HTT: variants seen among roughly 807,000 people sequenced by gnomAD.
HTT encodes huntington disease protein.
In HTT, 104 loss-of-function variants were observed where a neutral mutation model predicts 362.3. The observed-to-expected ratio is 0.29, with a 90% CI of 0.24 to 0.34. The LOEUF (loss-of-function observed/expected upper bound fraction) is 0.34. HTT is among the 10% of genes least tolerant of loss of function. The pLI, the probability that HTT is intolerant of heterozygous loss-of-function variation, is 1.00. For missense variants in HTT, 3,301 were observed against 3,928.6 expected, an observed-to-expected ratio of 0.84 and a Z score of 4.27; for synonymous variants, 1,577 against 1,548.7, an observed-to-expected ratio of 1.02 and a Z score of -0.43.
intron 2 of HTT, among the ~76,000 whole-genome samples, chr4:3,092,529 C>G (rs961362908): frequency 3.3e-5 from 5 of 152,246 alleles, no homozygotes; most frequent in South Asian, 4.1e-4. Context: ...GGACTTTAGG[C>G]AGTGCTACTA....
chr4:3,199,215 A>C (rs926197028), intron 40 of HTT, among the ~76,000 whole-genome samples: 11 of 152,228 alleles, frequency 7.2e-5, no homozygotes, highest in Non-Finnish European at 5.9e-5. Context: ...GTGAGAGAGG[A>C]GGAATGCTAG....
intron 7 of HTT, 43 bp from the exon 8 acceptor site, chr4:3,116,038 CCAAA>C (rs1560554083): frequency 1.0e-5 from 16 of 1,538,200 alleles, no homozygotes; most frequent in Non-Finnish European, 1.4e-5. Context: ...CCGGGAATCT[CCAAA>C]CAGTGAGTCA....
At chr4:3,079,686 A>G (rs926854676) in intron 1 of HTT, among the ~76,000 whole-genome samples, 2 of 152,138 alleles carry the variant, frequency 1.3e-5, no homozygotes, top group African/African-American at 4.8e-5. Context: ...TGTGAGTGAG[A>G]TGGGATGTCA....
At chr4:3,176,761 G>A (rs1718262784) in intron 33 of HTT, among the ~76,000 whole-genome samples, 1 of 152,222 alleles carries the variant, frequency 6.6e-6, no homozygotes, top group Non-Finnish European at 1.5e-5. Context: ...TGAACTCTAT[G>A]CTGATAAAGA....
At chr4:3,202,618 A>C (rs923673954) in intron 41 of HTT, among the ~76,000 whole-genome samples, 3 of 152,114 alleles carry the variant, frequency 2.0e-5, no homozygotes, top group African/African-American at 7.2e-5. Flanking sequence ...TGTCACTTCA[A>C]ACAGTTCCCT....
At chr4:3,213,384 T>C (rs1401135105) in intron 49 of HTT, among the ~76,000 whole-genome samples, 1 of 152,242 alleles carries the variant, frequency 6.6e-6, no homozygotes, top group African/African-American at 2.4e-5. Context: ...TTGCTGCTGA[T>C]TATATTATGT....
In HTT at chr4:3,178,301, A is replaced by C; in HGVS notation, c.4467A>C (p.Glu1489Asp). The C allele has an allele frequency of 6.2e-7, 1 of 1,604,048 alleles. No individual in the cohort carries two copies. Residue 1489 changes from glutamate (E) to aspartate (D), a missense_variant, in exon 35 of 67, where the codon GAA becomes GAC. Around this residue, in one of 4 missense-constraint regions of HTT, gnomAD observed 2,316 missense variants for 2,658.5 expected, o/e 0.87. Coordinates refer to ENST00000355072, the MANE Select transcript of HTT (RefSeq NM_001388492.1). ...AAATGGATGTTTTTGTTTTTAGGGA[A>C]TCAGAGGCAATCATTCCAAACATCT... is the stretch of plus-strand genomic sequence containing the variant. ...FEYIEVGQFR[E>D]SEAIIPNIFF... is the part of the protein sequence containing the mutation.
intron 64 of HTT, 41 bp downstream of exon 64, chr4:3,236,295 A>G (rs751266524): frequency 3.0e-5 from 42 of 1,394,452 alleles, no homozygotes; most frequent in Middle Eastern, 1.8e-4. Context: ...TAGCTTCCCT[A>G]GAACTTTGGC....
Position 3,180,654 on chromosome 4 carries a change from A to G in HTT, c.4749+3A>G, listed in dbSNP as rs201534742. The G allele has an allele frequency of 4.3e-4, 697 of 1,611,268 alleles. 11 individuals are homozygous for G. The South Asian group carries it at 7.2e-3, about 17-fold the overall frequency. On this transcript the variant is annotated splice_donor_region_variant and intron_variant, in intron 36 of 66. Coordinates refer to ENST00000355072, the MANE Select transcript of HTT (RefSeq NM_001388492.1). ...TGAGACTCATCCAGTACCATCAGGTAAGAGGAATGTATGTTGGAACTGTCG... is the reference window on the plus strand; with the variant it reads ...TGAGACTCATCCAGTACCATCAGGTGAGAGGAATGTATGTTGGAACTGTCG...
At chr4:3,114,314 A>T (rs552551916) in intron 6 of HTT, among the ~76,000 whole-genome samples, 9 of 152,212 alleles carry the variant, frequency 5.9e-5, no homozygotes, top group Admixed American at 5.2e-4. Flanking sequence ...CATTAGGGCC[A>T]TTATGAACAT....
In HTT at chr4:3,236,189, T is replaced by C; in HGVS notation, c.8826T>C (p.Asn2942=). The change falls in exon 64 of 67, where the codon AAT becomes AAC. Residue 2942 remains asparagine, a synonymous_variant. Coordinates refer to ENST00000355072, the MANE Select transcript of HTT (RefSeq NM_001388492.1). The part of the protein sequence containing the change: ...KVSPGRTSDP[N]PAAPDSESVI... ...GTCCGGGTAGAACTTCAGACCCTAATCCTGCAGCCCCCGACAGCGAGTCAG... is the reference window on the plus strand; with the variant it reads ...GTCCGGGTAGAACTTCAGACCCTAACCCTGCAGCCCCCGACAGCGAGTCAG... 1 of 1,614,204 alleles carries C rather than the reference T, an allele frequency of 6.2e-7. No individual in the cohort carries two copies. Among genetic ancestry groups the C allele is most frequent in the Non-Finnish European group, 8.5e-7 (1 of 1,180,006 alleles).
At chr4:3,137,909 A>G (rs964380248) in intron 21 of HTT, among the ~76,000 whole-genome samples, 17 of 152,184 alleles carry the variant, frequency 1.1e-4, no homozygotes, top group Admixed American at 2.6e-4. Flanking sequence ...TATAGAGTTC[A>G]TGTTTTGGCT....
At chr4:3,101,095 G>T (rs572398021) in intron 3 of HTT, among the ~76,000 whole-genome samples, 1 of 152,194 alleles carries the variant, frequency 6.6e-6, no homozygotes, top group Non-Finnish European at 1.5e-5. Flanking sequence ...GCTATCCCAG[G>T]TTGCCTTGGT....
At chr4:3,178,250 G>A (rs760855221) in intron 34 of HTT, 48 bp from the exon 35 acceptor site, 5 of 1,339,592 alleles carry the variant, frequency 3.7e-6, no homozygotes, top group African/African-American at 1.5e-5. Flanking sequence ...ATATTGATAT[G>A]TATCTTAATT....
chr4:3,140,189 C>T (rs987401235), intron 21 of HTT, among the ~76,000 whole-genome samples: 3 of 149,622 alleles, frequency 2.0e-5, no homozygotes, highest in Non-Finnish European at 3.0e-5. Context: ...TGAACCTGGA[C>T]GGCAGAGGTT....
intron 1 of HTT, among the ~76,000 whole-genome samples, chr4:3,083,621 A>T (rs911491528): frequency 1.2e-4 from 18 of 151,670 alleles, no homozygotes; most frequent in South Asian, 2.1e-4. Context: ...AGATGAAAAG[A>T]TCACTTTGAC....
chr4:3,180,956 A>G (rs1718496662), intron 36 of HTT, among the ~76,000 whole-genome samples: 1 of 150,446 alleles, frequency 6.6e-6, no homozygotes, highest in African/African-American at 2.4e-5. Context: ...GGCTCATTGC[A>G]AGCTCCACCT....
chr4:3,178,343 A>T lies in HTT; in HGVS notation c.4509A>T (p.Leu1503Phe). The T allele has an allele frequency of 6.2e-7, 1 of 1,611,258 alleles. No individual in the cohort carries two copies. Among genetic ancestry groups the T allele is most frequent in the Non-Finnish European group, 8.5e-7 (1 of 1,177,474 alleles). ...CAAACATCTTTTTCTTCTTGGTATT[A>T]CTATCTTATGAACGCTATCATTCAA... is the stretch of plus-strand genomic sequence containing the variant. ...IIPNIFFFLV[L>F]LSYERYHSKQ... is the part of the protein sequence containing the mutation. The change falls in exon 35 of 67, where the codon TTA (leucine) becomes TTT (phenylalanine). Residue 1503 changes from leucine (L) to phenylalanine (F), a missense_variant. Around this residue, in one of 4 missense-constraint regions of HTT, gnomAD observed 2,316 missense variants for 2,658.5 expected, o/e 0.87. Coordinates refer to ENST00000355072, the MANE Select transcript of HTT (RefSeq NM_001388492.1).
At chr4:3,101,310 G>C (rs1002054579) in intron 3 of HTT, among the ~76,000 whole-genome samples, 12 of 152,168 alleles carry the variant, frequency 7.9e-5, no homozygotes, top group African/African-American at 2.9e-4. Flanking sequence ...TGCTCTTCCT[G>C]GCTGTCTCCT....
Sources: gnomAD v4.1 joint callset for allele counts (sites outside exome capture counted in the v4.1 genomes callset) on GRCh38, gnomAD v4.1.1 for gene constraint, gnomAD v4.1.1 regional missense constraint, MANE v1.5 for transcripts, NCBI Gene and HGNC (gene_info 2026-07-23, HGNC 2026-07-21) for gene names.